KLHL29: variants seen among roughly 807,000 people sequenced by gnomAD.
KLHL29 encodes the protein kelch-like protein 29.
KLHL29 carries 21 observed loss-of-function variants against 80.4 expected under a neutral mutation model. The observed-to-expected ratio is 0.26, with a 90% CI of 0.19 to 0.38. The LOEUF is 0.38. Ranked by LOEUF, KLHL29 falls within the 10% of genes least tolerant of loss-of-function variation. The probability of loss-of-function intolerance (pLI) is 1.00; values close to 1 mark genes in which losing one functional copy is unlikely to be tolerated. For synonymous variants in KLHL29, 511 were observed against 526.8 expected, an observed-to-expected ratio of 0.97 and a Z score of 0.41; for missense variants, 867 against 1,223.9, an observed-to-expected ratio of 0.71 and a Z score of 4.35.
At chr2:23,403,400 A>G (rs1271802183) in intron 1 of KLHL29, among the ~76,000 whole-genome samples, 2 of 152,186 alleles carry the variant, frequency 1.3e-5, no homozygotes, top group Non-Finnish European at 1.5e-5. Context: ...TGTCCCTCAT[A>G]ATGAATCTCA....
intron 2 of KLHL29, among the ~76,000 whole-genome samples, chr2:23,478,948 C>T (rs1267950022): frequency 6.6e-6 from 1 of 151,844 alleles, no homozygotes; most frequent in African/African-American, 2.4e-5. Context: ...CTGCAGGCGT[C>T]CTCTCTGACC....
rs941437893 is a variant in KLHL29 at position 23,701,712 on chromosome 2, G to A, written c.2106-1474G>A. 2.0e-5 allele frequency among the ~76,000 whole-genome samples: 3 copies of A among 150,732 alleles called. No homozygotes were observed. In the East Asian group the frequency reaches 5.8e-4, roughly 29 times the overall value. On this transcript the variant is annotated intron_variant, in intron 11 of 13. Coordinates refer to ENST00000486442, the MANE Select transcript of KLHL29 (RefSeq NM_052920.2). ...AGCCTAGGCAACAGAGCAAGACCCT[G>A]CCTCAAACAAACAAACCTTCACCCA... is the stretch of plus-strand genomic sequence containing the variant.
At chr2:23,553,672 T>TG (rs1304067037) in intron 2 of KLHL29, among the ~76,000 whole-genome samples, 1 of 152,120 alleles carries the variant, frequency 6.6e-6, no homozygotes, top group Non-Finnish European at 1.5e-5. Flanking sequence ...CGGACCTTGA[T>TG]GGGGGGGCCT....
intron 2 of KLHL29, among the ~76,000 whole-genome samples, chr2:23,490,589 A>G (rs1665068518): frequency 6.6e-6 from 1 of 152,136 alleles, no homozygotes. Context: ...ACTTGGCTCC[A>G]ATACCATGGG....
intron 1 of KLHL29, among the ~76,000 whole-genome samples, chr2:23,410,504 A>C (rs536364443): frequency 6.6e-6 from 1 of 152,246 alleles, no homozygotes; most frequent in South Asian, 2.1e-4. Context: ...GAGGCATGGC[A>C]GTGGTGGCAG....
chr2:23,449,777 C>T (rs1336928361), intron 1 of KLHL29, among the ~76,000 whole-genome samples: 1 of 152,146 alleles, frequency 6.6e-6, no homozygotes, highest in African/African-American at 2.4e-5. Flanking sequence ...TTTAACCTCT[C>T]CAATGGCCCA....
At chr2:23,555,278 C>G (rs1421874086) in intron 2 of KLHL29, among the ~76,000 whole-genome samples, 2 of 152,190 alleles carry the variant, frequency 1.3e-5, no homozygotes, top group Non-Finnish European at 2.9e-5. Context: ...TTTCCTCATC[C>G]CAGTAAACCT....
Position 23,562,288 on chromosome 2 carries a change from G to T in KLHL29, c.92G>T (p.Ser31Ile), listed in dbSNP as rs139637554. Residue 31 changes from serine (S) to isoleucine (I), a missense_variant, in exon 3 of 14, where the codon AGC becomes ATC. This residue lies in a region of KLHL29 where 424 missense variants were observed against 456.9 expected (regional missense o/e 0.93). Transcript: ENST00000486442. This position sits in a 1 kb window ranked among gnomAD's most constrained non-coding sequence, Gnocchi z 4.5. ...WSVNGTHGTT[S>I]ICSVTSGAGG... ...GTCAACGGGACGCATGGGACCACCA[G>T]CATCTGCAGTGTCACCTCGGGGGCC... is the stretch of plus-strand genomic sequence containing the variant. 1 of 1,547,748 alleles carries T rather than the reference G, an allele frequency of 6.5e-7. No individual in the cohort carries two copies. The highest frequency in any genetic ancestry group is 1.2e-5 in the South Asian group (1 of 83,882).
chr2:23,573,055 A>G (rs899021095), intron 3 of KLHL29, among the ~76,000 whole-genome samples: 2 of 46 alleles, frequency 0.043, no homozygotes, highest in African/African-American at 0.17. Flanking sequence ...GTGAGCTAGC[A>G]TGAAGCCTCA....
At chr2:23,386,089 T>A (rs1438143) in intron 1 of KLHL29, among the ~76,000 whole-genome samples, 107,453 of 151,482 alleles carry the variant, frequency 0.71, 38,127 homozygotes, top group South Asian at 0.83. Flanking sequence ...GCTGGAGGCT[T>A]GTGTGACCCC....
Position 23,406,170 on chromosome 2 carries a change from A to C in KLHL29, c.-154+20390A>C, listed in dbSNP as rs1040486822. Among the ~76,000 whole-genome samples the C allele has an allele frequency of 3.3e-5, 5 of 152,214 alleles. No homozygotes were observed. The East Asian group carries it at 9.6e-4, about 29-fold the overall frequency. On this transcript the variant is annotated intron_variant, in intron 1 of 13. Coordinates refer to ENST00000486442, the MANE Select transcript of KLHL29 (RefSeq NM_052920.2). ...ATGATGAAACCCCGTCTCTACTAAAATACAAAAATTAATCGGGCATGGTGG... is the reference window on the plus strand; with the variant it reads ...ATGATGAAACCCCGTCTCTACTAAACTACAAAAATTAATCGGGCATGGTGG...
chr2:23,655,820 CTGACTGAGCAGAGTGAGTGCAGTCAG>C (rs1289210247), intron 5 of KLHL29, among the ~76,000 whole-genome samples: 10 of 151,870 alleles, frequency 6.6e-5, no homozygotes, highest in South Asian at 6.3e-4. Flanking sequence ...AGACCTGGAA[CTGACTGAGCAGAGTGAGTGCAGTCAG>C]TGAGCTCAGT....
intron 1 of KLHL29, among the ~76,000 whole-genome samples, chr2:23,406,656 A>G (rs1193856590): frequency 6.6e-6 from 1 of 152,038 alleles, no homozygotes; most frequent in Admixed American, 6.6e-5. Flanking sequence ...TTTCGGTATC[A>G]CACACATCTG....
At chr2:23,386,112 C>T (rs915883042) in intron 1 of KLHL29, among the ~76,000 whole-genome samples, 1 of 152,198 alleles carries the variant, frequency 6.6e-6, no homozygotes, top group Non-Finnish European at 1.5e-5. Context: ...GCCGGAGCAG[C>T]CCCCCTGCTG....
intron 1 of KLHL29, among the ~76,000 whole-genome samples, chr2:23,436,008 C>T (rs916198287): frequency 6.6e-6 from 1 of 151,656 alleles, no homozygotes; most frequent in African/African-American, 2.4e-5. Context: ...AGACCCTCAT[C>T]CTCCGGCTAT....
At chr2:23,417,161 G>A (rs978769937) in intron 1 of KLHL29, among the ~76,000 whole-genome samples, 2 of 152,092 alleles carry the variant, frequency 1.3e-5, no homozygotes, top group East Asian at 3.9e-4. Flanking sequence ...CAAGACCCCT[G>A]CTTGGTTCAG....
rs528295602 is a variant in KLHL29 at position 23,501,702 on chromosome 2, C to G, written c.-46+26035C>G. Among the ~76,000 whole-genome samples, 6 of 152,300 alleles carry G rather than the reference C, an allele frequency of 3.9e-5. No homozygotes were observed. The South Asian group carries it at 8.3e-4, about 21-fold the overall frequency. On this transcript the variant is annotated intron_variant, in intron 2 of 13. Transcript: ENST00000486442. ...CTCATTAATCTAGATTTTGTTACCA[C>G]TGACAGCCTATAGGTCCCCTCTAAA...
intron 1 of KLHL29, among the ~76,000 whole-genome samples, chr2:23,460,401 G>A (rs985291298): frequency 6.6e-6 from 1 of 152,106 alleles, no homozygotes; most frequent in African/African-American, 2.4e-5. Context: ...CTTATCTGGA[G>A]ATATTTTTGT....
chr2:23,626,137 C>T (rs994965766), intron 3 of KLHL29, among the ~76,000 whole-genome samples: 21 of 152,182 alleles, frequency 1.4e-4, no homozygotes, highest in Admixed American at 6.5e-4. Context: ...ATTCCACCTC[C>T]GATCATCAGA....
Sources: allele counts gnomAD v4.1 joint callset (sites outside exome capture counted in the v4.1 genomes callset), GRCh38; gene constraint gnomAD v4.1.1; regional missense constraint gnomAD v4.1.1; non-coding constraint Gnocchi (gnomAD v3.1); transcripts MANE v1.5; gene names NCBI Gene and HGNC (gene_info 2026-07-23, HGNC 2026-07-21).